ELMO1: variants seen among roughly 807,000 people sequenced by gnomAD.
ELMO1 encodes the protein engulfment and cell motility protein 1.
ELMO1 carries 26 observed loss-of-function variants against 98.9 expected under a neutral mutation model. The observed-to-expected ratio is 0.26, with a 90% confidence interval of 0.19 to 0.36. The LOEUF is 0.36. Among genes scored for constraint, ELMO1 ranks in the 10% least tolerant of loss-of-function variants. The pLI is 1.00. For missense variants in ELMO1, 627 were observed against 935.2 expected (o/e 0.67, Z 4.30); for synonymous variants, 346 against 346.0 (o/e 1.00, Z 0.00).
intron 1 of ELMO1, among the ~76,000 whole-genome samples, chr7:37,352,804 A>C (rs1424014516): frequency 6.6e-6 from 1 of 152,230 alleles, no homozygotes; most frequent in Non-Finnish European, 1.5e-5. Flanking sequence ...GTGCAAAGCA[A>C]CGGAAGATAA....
At chr7:37,382,085 T>C (rs538806300) in intron 1 of ELMO1, among the ~76,000 whole-genome samples, 1 of 152,346 alleles carries the variant, frequency 6.6e-6, no homozygotes, top group South Asian at 2.1e-4. Context: ...TAAAAGATAA[T>C]TTTGAAATAT....
chr7:36,883,476 G>A (rs887689882), intron 18 of ELMO1, among the ~76,000 whole-genome samples: 3 of 152,140 alleles, frequency 2.0e-5, no homozygotes, highest in African/African-American at 7.2e-5. Context: ...GGGTCCTGGT[G>A]GGAGGTGACT....
At chr7:37,316,818 A>C (rs1199471509) in intron 2 of ELMO1, among the ~76,000 whole-genome samples, 4 of 152,198 alleles carry the variant, frequency 2.6e-5, no homozygotes, top group Non-Finnish European at 4.4e-5. Context: ...CTGGATTTTC[A>C]GATACAAAAC....
At chr7:37,099,671 T>G (rs1370059068) in intron 14 of ELMO1, among the ~76,000 whole-genome samples, 1 of 152,208 alleles carries the variant, frequency 6.6e-6, no homozygotes, top group Non-Finnish European at 1.5e-5. Context: ...ATAAAATGCT[T>G]CATCGTTTAC....
At chr7:36,889,843 A>G (rs551350461) in intron 17 of ELMO1, among the ~76,000 whole-genome samples, 19 of 152,288 alleles carry the variant, frequency 1.2e-4, no homozygotes, top group African/African-American at 4.3e-4. Context: ...GCCTCAAAGG[A>G]CTACAAAACA....
chr7:37,242,337 C>T (rs1480052563), intron 7 of ELMO1, among the ~76,000 whole-genome samples: 1 of 152,172 alleles, frequency 6.6e-6, no homozygotes, highest in Admixed American at 6.6e-5. Flanking sequence ...GACTCCCCAT[C>T]TGTGCATTCA....
At chr7:37,368,643 T>C (rs1465849536) in intron 1 of ELMO1, among the ~76,000 whole-genome samples, 1 of 152,196 alleles carries the variant, frequency 6.6e-6, no homozygotes, top group Non-Finnish European at 1.5e-5. Context: ...GATCACCACA[T>C]CTGGACAGGC....
intron 13 of ELMO1, among the ~76,000 whole-genome samples, chr7:37,147,767 G>A (rs761304158): frequency 3.4e-5 from 5 of 146,468 alleles, no homozygotes; most frequent in Admixed American, 6.7e-5. Flanking sequence ...ACAAGAAATC[G>A]TGCACACAAG....
chr7:36,975,356 C>T (rs112288049), intron 16 of ELMO1, among the ~76,000 whole-genome samples: 1 of 152,068 alleles, frequency 6.6e-6, no homozygotes, highest in African/African-American at 2.4e-5. Context: ...CCTGTAATCC[C>T]AGCTACTTGG....
intron 1 of ELMO1, among the ~76,000 whole-genome samples, chr7:37,361,804 C>G (rs1801708175): frequency 6.9e-6 from 1 of 145,460 alleles, no homozygotes; most frequent in African/African-American, 2.5e-5. Flanking sequence ...ATAAAAAAGA[C>G]AAAAAAATTA....
intron 1 of ELMO1, among the ~76,000 whole-genome samples, chr7:37,438,663 C>T (rs989007390): frequency 6.6e-6 from 1 of 151,870 alleles, no homozygotes; most frequent in African/African-American, 2.4e-5. Flanking sequence ...TCCAACCCAA[C>T]GCTTTTAGGG....
At chr7:37,375,334 C>T (rs1802289960) in intron 1 of ELMO1, among the ~76,000 whole-genome samples, 1 of 152,146 alleles carries the variant, frequency 6.6e-6, no homozygotes, top group South Asian at 2.1e-4. Context: ...GACTCCTGAG[C>T]AGTAAGCAAG....
chr7:37,098,890 A>G (rs1355465579), intron 14 of ELMO1, among the ~76,000 whole-genome samples: 3 of 152,224 alleles, frequency 2.0e-5, no homozygotes, highest in Non-Finnish European at 2.9e-5. Flanking sequence ...GACAGAAGAC[A>G]GGTAGTTTTC....
At chr7:36,895,224 T>C (rs941404577) in intron 16 of ELMO1, among the ~76,000 whole-genome samples, 3 of 151,944 alleles carry the variant, frequency 2.0e-5, no homozygotes, top group African/African-American at 7.3e-5. Context: ...AGGAAGGAAA[T>C]GGATTGATAA....
intron 6 of ELMO1, among the ~76,000 whole-genome samples, chr7:37,245,431 T>C (rs1039151654): frequency 6.6e-6 from 1 of 152,178 alleles, no homozygotes; most frequent in African/African-American, 2.4e-5. Flanking sequence ...ACATAAAATG[T>C]AACCATTTCA....
chr7:36,868,365 G>A (rs1205181340), intron 20 of ELMO1, among the ~76,000 whole-genome samples: 4 of 123,298 alleles, frequency 3.2e-5, no homozygotes, highest in Non-Finnish European at 6.9e-5. Flanking sequence ...TTTTTTTTGA[G>A]ACAGAGTTTC....
At chr7:37,182,670 G>A (rs1373115217) in intron 13 of ELMO1, among the ~76,000 whole-genome samples, 1 of 151,732 alleles carries the variant, frequency 6.6e-6, no homozygotes, top group Non-Finnish European at 1.5e-5. Flanking sequence ...GAGAGGTGCA[G>A]TATGGTTTAG....
At chr7:37,193,253 C>T (rs1435497477) in intron 13 of ELMO1, among the ~76,000 whole-genome samples, 1 of 151,994 alleles carries the variant, frequency 6.6e-6, no homozygotes, top group Non-Finnish European at 1.5e-5. Context: ...CTCAAAGAGG[C>T]CAAGCTGACT....
At chr7:37,029,790 G>A (rs1794774678) in intron 15 of ELMO1, among the ~76,000 whole-genome samples, 1 of 152,128 alleles carries the variant, frequency 6.6e-6, no homozygotes, top group Non-Finnish European at 1.5e-5. Flanking sequence ...CTGGGCCACT[G>A]GGATGGAGGC....
Sources: allele counts gnomAD v4.1 joint callset (sites outside exome capture counted in the v4.1 genomes callset), GRCh38; gene constraint gnomAD v4.1.1; transcripts MANE v1.5; gene names NCBI Gene and HGNC (gene_info 2026-07-23, HGNC 2026-07-21).